GFRA1: variants seen among roughly 807,000 people sequenced by gnomAD.
GFRA1 encodes the protein GDNF family receptor alpha-1.
In GFRA1, 16 loss-of-function variants were observed where a neutral mutation model predicts 51.6. The observed-to-expected ratio is 0.31, with a 90% CI of 0.21 to 0.47. The LOEUF is 0.47. Ranked by LOEUF, GFRA1 falls within the 20% of genes least tolerant of loss-of-function variation. The probability of loss-of-function intolerance (pLI) is 1.00; values close to 1 mark genes in which losing one functional copy is unlikely to be tolerated. For synonymous variants in GFRA1, 270 were observed against 241.3 expected (o/e 1.12, Z -1.10); for missense variants, 530 against 594.3 (o/e 0.89, Z 1.13).
chr10:116,100,054 A>G (rs1956757469), intron 6 of GFRA1, among the ~76,000 whole-genome samples: 1 of 152,196 alleles, frequency 6.6e-6, no homozygotes, highest in South Asian at 2.1e-4. Context: ...AGGTTTTACT[A>G]TTACACAGCT....
chr10:116,135,821 T>C (rs1032202857), intron 5 of GFRA1, among the ~76,000 whole-genome samples: 1 of 152,038 alleles, frequency 6.6e-6, no homozygotes, highest in Admixed American at 6.6e-5. Context: ...CATAATTGGA[T>C]TTCAATTTAG....
At chr10:116,156,707 C>T (rs1377767344) in intron 5 of GFRA1, among the ~76,000 whole-genome samples, 1 of 152,150 alleles carries the variant, frequency 6.6e-6, no homozygotes, top group African/African-American at 2.4e-5. Context: ...TTTTGGCTGA[C>T]AAAAGCAGCA....
rs79651185 is a variant in GFRA1, at chr10:116,264,222, G to C, written c.418+5281C>G. Among the ~76,000 whole-genome samples the C allele has an allele frequency of 5.8e-4, 88 of 152,228 alleles. 1 individual carries two copies. The East Asian group carries it at 0.016, about 28-fold the overall frequency. ...TGCAGACAGAAAGGGACCAACACTG[G>C]CTCCCCCTACACCAGTGCCATGACC... On this transcript the variant is annotated intron_variant, in intron 4 of 10. Coordinates refer to ENST00000355422, the MANE Select transcript of GFRA1 (RefSeq NM_005264.8).
At chr10:116,167,715 C>T (rs1960617096) in intron 5 of GFRA1, among the ~76,000 whole-genome samples, 1 of 152,164 alleles carries the variant, frequency 6.6e-6, no homozygotes, top group Non-Finnish European at 1.5e-5. Context: ...ACCTTAGATA[C>T]TCTCAAGTTG....
intron 5 of GFRA1, among the ~76,000 whole-genome samples, chr10:116,141,930 G>A (rs989623726): frequency 6.6e-6 from 1 of 152,090 alleles, no homozygotes; most frequent in African/African-American, 2.4e-5. Context: ...TAGGTGCCAG[G>A]CTGGTAAATA....
At chr10:116,248,649 T>C (rs1380972162) in intron 4 of GFRA1, among the ~76,000 whole-genome samples, 2 of 152,204 alleles carry the variant, frequency 1.3e-5, no homozygotes, top group African/African-American at 4.8e-5. Flanking sequence ...CACTTTGTTA[T>C]GTGTCAACTC....
At chr10:116,160,546 T>C (rs1041411165) in intron 5 of GFRA1, among the ~76,000 whole-genome samples, 1 of 152,188 alleles carries the variant, frequency 6.6e-6, no homozygotes, top group Non-Finnish European at 1.5e-5. Flanking sequence ...CAGTAAGAAA[T>C]CATTAGACAT....
At chr10:116,114,025 G>A (rs1314515573) in intron 6 of GFRA1, among the ~76,000 whole-genome samples, 2 of 152,170 alleles carry the variant, frequency 1.3e-5, no homozygotes, top group Admixed American at 6.5e-5. Flanking sequence ...CCCGGGTGTG[G>A]CTTTGCTTCC....
intron 5 of GFRA1, 118 bp downstream of exon 5, chr10:116,211,513 G>T: frequency 2.2e-6 from 2 of 910,574 alleles, no homozygotes; most frequent in Non-Finnish European, 3.5e-6. Context: ...GTCCCTGAGG[G>T]CCTAAATGAC....
chr10:116,105,743 G>T (rs947427076), intron 6 of GFRA1, among the ~76,000 whole-genome samples: 6 of 152,138 alleles, frequency 3.9e-5, no homozygotes, highest in African/African-American at 1.4e-4. Context: ...CACTGGGAAG[G>T]GGGTTAAGAT....
chr10:116,130,167 T>C (rs1258545950), intron 5 of GFRA1, among the ~76,000 whole-genome samples: 2 of 151,476 alleles, frequency 1.3e-5, no homozygotes, highest in Admixed American at 6.6e-5. Flanking sequence ...CTAATAAAAA[T>C]TGAAGACCTG....
intron 4 of GFRA1, among the ~76,000 whole-genome samples, chr10:116,217,771 T>C (rs561387939): frequency 1.3e-5 from 2 of 152,314 alleles, no homozygotes; most frequent in South Asian, 2.1e-4. Context: ...CCAGTAACAA[T>C]AGGTAATTTT....
chr10:116,269,865 CAG>C (rs1196277738), intron 3 of GFRA1, among the ~76,000 whole-genome samples: 1 of 152,068 alleles, frequency 6.6e-6, no homozygotes, highest in African/African-American at 2.4e-5. Flanking sequence ...GAATAGAAAT[CAG>C]AGAGGGAAGA....
intron 5 of GFRA1, among the ~76,000 whole-genome samples, chr10:116,190,011 A>C (rs1428733560): frequency 2.0e-5 from 3 of 152,114 alleles, no homozygotes; most frequent in African/African-American, 7.2e-5. Context: ...CGAGGCAGAG[A>C]GCGGGACCAG....
intron 9 of GFRA1, among the ~76,000 whole-genome samples, chr10:116,083,860 A>C (rs1445094728): frequency 6.6e-6 from 1 of 152,098 alleles, no homozygotes; most frequent in Non-Finnish European, 1.5e-5. Flanking sequence ...CAAATGCAGA[A>C]GATGTAGGAG....
chr10:116,178,717 C>T (rs977072547), intron 5 of GFRA1, among the ~76,000 whole-genome samples: 1 of 152,132 alleles, frequency 6.6e-6, no homozygotes, highest in Non-Finnish European at 1.5e-5. Flanking sequence ...ACCAAGGGAG[C>T]CCTGAGCGAG....
intron 5 of GFRA1, among the ~76,000 whole-genome samples, chr10:116,148,056 A>ATGCGTGCATGCG: frequency 7.3e-6 from 1 of 136,536 alleles, no homozygotes; most frequent in East Asian, 2.2e-4. Context: ...GTGTGCATGC[A>ATGCGTGCATGCG]TGTGTGCATG....
Position 116,175,444 on chromosome 10 carries a change from A to G in GFRA1, c.433+36187T>C, listed in dbSNP as rs532747327. Among the ~76,000 whole-genome samples, 6 of 152,336 alleles carry G rather than the reference A, an allele frequency of 3.9e-5. No homozygotes were observed. The South Asian group carries it at 1.0e-3, about 26-fold the overall frequency. ...TTCCGCCAAGGACAGAAGGAGGAGG[A>G]AAAAATGCAATGTTAGATTACCATG... On this transcript the variant is annotated intron_variant, in intron 5 of 10. Transcript: ENST00000355422.
chr10:116,077,763 G>T (rs1955678760), intron 9 of GFRA1, among the ~76,000 whole-genome samples: 2 of 152,226 alleles, frequency 1.3e-5, no homozygotes. Flanking sequence ...GATAACAGCT[G>T]CTTCAGCAAG....
Sources: allele counts gnomAD v4.1 joint callset (sites outside exome capture counted in the v4.1 genomes callset), GRCh38; gene constraint gnomAD v4.1.1; transcripts MANE v1.5; gene names NCBI Gene and HGNC (gene_info 2026-07-23, HGNC 2026-07-21).